Variants in NBEAL2 observed in about 807,000 individuals in gnomAD.
NBEAL2 encodes the protein neurobeachin-like protein 2.
A neutral mutation model predicts 299.8 loss-of-function variants in NBEAL2; 160 were observed. That is an observed-to-expected ratio of 0.53 (90% confidence interval 0.47 to 0.61). The LOEUF is 0.61. NBEAL2 is among the 20% of genes least tolerant of loss of function. NBEAL2 has a pLI of 0.00. For missense variants in NBEAL2, 3,112 were observed against 3,649.0 expected (o/e 0.85, Z 3.79); for synonymous variants, 1,493 against 1,542.3 (o/e 0.97, Z 0.75).
Position 47,008,056 on chromosome 3 carries a change from C to G in NBEAL2, c.7603-14C>G, listed in dbSNP as rs750658888. 6.2e-7 allele frequency: 1 copy of G among 1,613,508 alleles called. No homozygotes were observed. Among genetic ancestry groups the G allele is most frequent in the Non-Finnish European group, 8.5e-7 (1 of 1,179,570 alleles). On this transcript the variant is annotated splice_polypyrimidine_tract_variant and intron_variant, in intron 49 of 53. Coordinates refer to ENST00000450053, the MANE Select transcript of NBEAL2 (RefSeq NM_015175.3). ...CTCAGGGGACAGTCCTAAGCCAACCCTGGTCCTCCACAGGGTGGTCTGTCA... is the reference window on the plus strand; with the variant it reads ...CTCAGGGGACAGTCCTAAGCCAACCGTGGTCCTCCACAGGGTGGTCTGTCA...
At position 47,007,355 on chromosome 3, in the gene NBEAL2, G is replaced by A; in HGVS notation, c.7334+5G>A. The A allele has an allele frequency of 1.2e-6, 2 of 1,600,018 alleles. No individual in the cohort carries two copies. Among genetic ancestry groups the A allele is most frequent in the Non-Finnish European group, 1.7e-6 (2 of 1,173,192 alleles). ...CCCCACCATGGGCAGCCACAAGTAGGACAGAGGGCTGTGGGTGGGGTGGGC... is the reference window on the plus strand; with the variant it reads ...CCCCACCATGGGCAGCCACAAGTAGAACAGAGGGCTGTGGGTGGGGTGGGC... On this transcript the variant is annotated splice_donor_5th_base_variant and intron_variant, in intron 47 of 53. Transcript: ENST00000450053.
rs764094921 is a variant in NBEAL2, at chr3:47,001,853, G to C, written c.4782+27G>C. On this transcript the variant is annotated intron_variant, in intron 30 of 53. Transcript: ENST00000450053. This position sits in a 1 kb window ranked among gnomAD's most constrained non-coding sequence, Gnocchi z 6.1. Reference sequence around the variant, plus strand: ...TGAGCACAGGGTGAGCATGGGGGCAGGGGGCGTGTGAGATGTCGGGAGCTC... The same window carrying C: ...TGAGCACAGGGTGAGCATGGGGGCACGGGGCGTGTGAGATGTCGGGAGCTC... 1.2e-6 allele frequency: 2 copies of C among 1,611,204 alleles called. No individual in the cohort carries two copies. Among genetic ancestry groups the C allele is most frequent in the Non-Finnish European group, 1.7e-6 (2 of 1,177,936 alleles).
rs1206870666 is a variant in NBEAL2, at chr3:47,000,047, C to G, written c.3948C>G (p.Ala1316=). 6.2e-7 allele frequency: 1 copy of G among 1,613,360 alleles called. No homozygotes were observed. The highest frequency in any genetic ancestry group is 2.2e-5 in the East Asian group (1 of 44,892). Reference sequence around the variant, plus strand: ...AGTCACCTACCTCCCCCAAGCCAGCCCCACCCAAGCCACCCACTGAGTCAC... The same window carrying G: ...AGTCACCTACCTCCCCCAAGCCAGCGCCACCCAAGCCACCCACTGAGTCAC... ...SPESPTSPKP[A]PPKPPTESPA... is the part of the protein sequence containing the mutation. Residue 1316 remains alanine (A), a synonymous_variant, in exon 27 of 54, where the codon GCC becomes GCG. Coordinates refer to ENST00000450053, the MANE Select transcript of NBEAL2 (RefSeq NM_015175.3). The surrounding 1 kb of genome is among the most constrained non-coding windows in gnomAD (Gnocchi z 4.5).
chr3:46,980,386 T>C (rs1575574558), intron 1 of NBEAL2, among the ~76,000 whole-genome samples: 1 of 151,836 alleles, frequency 6.6e-6, no homozygotes, highest in African/African-American at 2.4e-5. Context: ...TGGGCCAAGG[T>C]AGGGAGGTGT....
In NBEAL2 at chr3:47,004,964, G is replaced by C. The variant is rs2037315139; in HGVS notation, c.6295-8G>C. ...CCTCATGCAGCCCCTGCTCGGGTGG[G>C]TGGCCAGTTCCCCTGGGTCCTGCAG... is the stretch of plus-strand genomic sequence containing the variant. On this transcript the variant is annotated splice_polypyrimidine_tract_variant and splice_region_variant and intron_variant, in intron 38 of 53. Coordinates refer to ENST00000450053, the MANE Select transcript of NBEAL2 (RefSeq NM_015175.3). The surrounding 1 kb of genome is among the most constrained non-coding windows in gnomAD (Gnocchi z 5.0). 3.1e-6 allele frequency: 5 copies of C among 1,602,894 alleles called. No homozygotes were observed. Among genetic ancestry groups the C allele is most frequent in the Non-Finnish European group, 4.3e-6 (5 of 1,175,132 alleles).
Position 46,999,947 on chromosome 3 carries a change from G to T in NBEAL2, c.3848G>T (p.Gly1283Val), listed in dbSNP as rs762062995. 2 of 1,611,512 alleles carry T rather than the reference G, an allele frequency of 1.2e-6. No homozygotes were observed. The highest frequency in any genetic ancestry group is 2.2e-5 in the East Asian group (1 of 44,868). ...DVVRLLARQAGWQDVLTRLYV... is the reference protein window; with the variant it reads ...DVVRLLARQAVWQDVLTRLYV... ...GTGCGGCTTCTGGCCCGACAGGCTG[G>T]CTGGCAAGATGTGCTGACCCGGCTA... Residue 1283 changes from glycine (G) to valine (V), a missense_variant, in exon 27 of 54, where the codon GGC (glycine) becomes GTC (valine). Transcript: ENST00000450053.
chr3:47,005,795 C>T lies in NBEAL2; in HGVS notation c.6749C>T (p.Pro2250Leu), dbSNP rs1446002952. ...GAGAAGGTAGGCGATGTGGTGCTAC[C>T]CCCGTGGGCCAGCTCTCCTGAGGAC... ...TNEKVGDVVL[P>L]PWASSPEDFI... Residue 2250 changes from proline (P) to leucine (L), a missense_variant, in exon 42 of 54, where the codon CCC (proline) becomes CTC (leucine). Transcript: ENST00000450053. The T allele has an allele frequency of 1.2e-6, 2 of 1,613,208 alleles. No homozygotes were observed. The highest frequency in any genetic ancestry group is 1.7e-6 in the Non-Finnish European group (2 of 1,179,872).
At position 47,001,923 on chromosome 3, in the gene NBEAL2, C is replaced by T. The variant is rs566652416; in HGVS notation, c.4786C>T (p.His1596Tyr). The change falls in exon 31 of 54, where the codon CAT becomes TAT. Residue 1596 changes from histidine (H) to tyrosine (Y), a missense_variant. His to Tyr is a moderately conservative substitution (Grantham distance 83, BLOSUM62 2). Coordinates refer to ENST00000450053, the MANE Select transcript of NBEAL2 (RefSeq NM_015175.3). This position sits in a 1 kb window ranked among gnomAD's most constrained non-coding sequence, Gnocchi z 6.1. ...GYILLEDPQLHAQAYVRLHML... is the reference protein window; with the variant it reads ...GYILLEDPQLYAQAYVRLHML... Reference sequence around the variant, plus strand: ...CTCATCTCTCTTGCGCCCACAGCTGCATGCCCAGGCCTACGTGAGATTGCA... The same window carrying T: ...CTCATCTCTCTTGCGCCCACAGCTGTATGCCCAGGCCTACGTGAGATTGCA... The T allele has an allele frequency of 1.7e-5, 27 of 1,603,700 alleles. No individual in the cohort carries two copies. The highest frequency in any genetic ancestry group is 3.3e-4 in the Middle Eastern group (2 of 6,056).
Position 47,009,266 on chromosome 3 carries a change from C to A in NBEAL2, c.8211C>A (p.Arg2737=). The change falls in exon 54 of 54, where the codon CGC becomes CGA. Residue 2737 remains arginine, a synonymous_variant. Transcript: ENST00000450053. ...FARKLWRSSR[R]ISQVSSGETE... is the part of the protein sequence containing the mutation. ...GGAAGCTGTGGCGGTCCTCGCGGCG[C>A]ATCTCCCAGGTGTCCTCGGGAGAGA... 6.2e-7 allele frequency: 1 copy of A among 1,602,664 alleles called. No individual in the cohort carries two copies. Among genetic ancestry groups the A allele is most frequent in the Non-Finnish European group, 8.5e-7 (1 of 1,175,920 alleles).
At position 47,008,292 on chromosome 3, in the gene NBEAL2, G is replaced by C; in HGVS notation, c.7729G>C (p.Val2577Leu). ...MAVSGSEDGTVIIHTVRRGQF... is the reference protein window; with the variant it reads ...MAVSGSEDGTLIIHTVRRGQF... ...AGTTGCCTTCCTGCAGGATGGAACT[G>C]TGATCATACACACTGTACGCCGCGG... The change falls in exon 51 of 54, where the codon GTG (valine) becomes CTG (leucine). Residue 2577 changes from valine to leucine, a missense_variant. Around this residue, in one of 3 missense-constraint regions of NBEAL2, gnomAD observed 348 missense variants for 381.4 expected, o/e 0.91. Coordinates refer to ENST00000450053, the MANE Select transcript of NBEAL2 (RefSeq NM_015175.3). The C allele has an allele frequency of 1.2e-6, 2 of 1,613,160 alleles. No homozygotes were observed. The highest frequency in any genetic ancestry group is 1.1e-5 in the South Asian group (1 of 90,906).
rs746748354 is a variant in NBEAL2, at chr3:47,001,200, G to C, written c.4484+21G>C. ...CGCAGGTGAGAGGGAAAGTCTGGAG[G>C]GGGAGGGGCTTCAGGAAGCCTCGGG... On this transcript the variant is annotated intron_variant, in intron 28 of 53. Coordinates refer to ENST00000450053, the MANE Select transcript of NBEAL2 (RefSeq NM_015175.3). This position sits in a 1 kb window ranked among gnomAD's most constrained non-coding sequence, Gnocchi z 6.1. The C allele has an allele frequency of 2.5e-6, 4 of 1,604,406 alleles. No homozygotes were observed. In the African/African-American group the frequency reaches 4.0e-5, roughly 16 times the overall value.
At position 47,000,501 on chromosome 3, in the gene NBEAL2, T is replaced by C. The variant is rs1052398623; in HGVS notation, c.4305+97T>C. 8 of 1,465,318 alleles carry C rather than the reference T, an allele frequency of 5.5e-6. No homozygotes were observed. Among genetic ancestry groups the C allele is most frequent in the Non-Finnish European group, 7.3e-6 (8 of 1,091,830 alleles). The allele number at this position is 1,465,318 out of a possible 1,614,324, so 90.8% of individuals were successfully genotyped here. ...TGTAGCCTCTCCAAAGGTGTGGCCC[T>C]GTCTGACCAGGGTTGCAGCCACTGG... On this transcript the variant is annotated intron_variant, in intron 27 of 53. Transcript: ENST00000450053. This position sits in a 1 kb window ranked among gnomAD's most constrained non-coding sequence, Gnocchi z 4.5.
At chr3:46,985,755 G>A (rs1036090932) in intron 1 of NBEAL2, among the ~76,000 whole-genome samples, 1 of 152,220 alleles carries the variant, frequency 6.6e-6, no homozygotes, top group African/African-American at 2.4e-5. Context: ...TTCAGTGGGG[G>A]ACAGGGTTGG....
At position 47,002,365 on chromosome 3, in the gene NBEAL2, C is replaced by T. The variant is rs373336309; in HGVS notation, c.5152-6C>T. On this transcript the variant is annotated splice_region_variant and splice_polypyrimidine_tract_variant and intron_variant, in intron 31 of 53. Coordinates refer to ENST00000450053, the MANE Select transcript of NBEAL2 (RefSeq NM_015175.3). ...GAGCACTGTTCTCCTCTGCCCAATC[C>T]TCCAGGTACAGCCAACCATGTCCCA... 5.0e-6 allele frequency: 8 copies of T among 1,613,346 alleles called. No homozygotes were observed. Among genetic ancestry groups the T allele is most frequent in the Non-Finnish European group, 6.8e-6 (8 of 1,179,796 alleles).
chr3:46,980,198 A>T (rs1398210269), intron 1 of NBEAL2, among the ~76,000 whole-genome samples: 2 of 152,108 alleles, frequency 1.3e-5, no homozygotes, highest in Admixed American at 1.3e-4. Flanking sequence ...GCTAGAGGAG[A>T]GTGGCCTGGG....
chr3:47,000,032 C>T lies in NBEAL2; in HGVS notation c.3933C>T (p.Thr1311=), dbSNP rs546374245. The T allele has an allele frequency of 6.2e-7, 1 of 1,613,114 alleles. No homozygotes were observed. Among genetic ancestry groups the T allele is most frequent in the Admixed American group, 1.7e-5 (1 of 60,014 alleles). ...CTCCGTCTTCCCCAGAGTCACCTAC[C>T]TCCCCCAAGCCAGCCCCACCCAAGC... The part of the protein sequence containing the change: ...SPPPSSPESP[T]SPKPAPPKPP... Residue 1311 remains threonine (T), a synonymous_variant, in exon 27 of 54, where the codon ACC becomes ACT. Coordinates refer to ENST00000450053, the MANE Select transcript of NBEAL2 (RefSeq NM_015175.3). This position sits in a 1 kb window ranked among gnomAD's most constrained non-coding sequence, Gnocchi z 4.5.
rs2037044827 is a variant in NBEAL2, at chr3:47,002,033, G to A, written c.4896G>A (p.Val1632=). The A allele has an allele frequency of 4.5e-6, 7 of 1,566,912 alleles. No individual in the cohort carries two copies. Among genetic ancestry groups the A allele is most frequent in the Non-Finnish European group, 6.1e-6 (7 of 1,156,444 alleles). ...LSKLEAALGR[V]LNTSSLESAT... The stretch of plus-strand genomic sequence containing the variant: ...AGCTGGAGGCTGCACTGGGGCGGGT[G>A]CTGAACACCTCTTCCTTGGAGTCAG... The change falls in exon 31 of 54, where the codon GTG becomes GTA. Residue 1632 remains valine (V), a synonymous_variant. Transcript: ENST00000450053.
At chr3:46,986,966 G>C (rs1262521146) in intron 1 of NBEAL2, among the ~76,000 whole-genome samples, 1 of 152,126 alleles carries the variant, frequency 6.6e-6, no homozygotes, top group Non-Finnish European at 1.5e-5. Context: ...AGCAGGAGAG[G>C]GTGGAGAGGT....
In NBEAL2 at chr3:47,009,291, A is replaced by G; in HGVS notation, c.8236A>G (p.Thr2746Ala). ...RRISQVSSGETEYNPTEAR is the reference protein window; with the variant it reads ...RRISQVSSGEAEYNPTEAR The stretch of plus-strand genomic sequence containing the variant: ...CATCTCCCAGGTGTCCTCGGGAGAG[A>G]CGGAATACAACCCTACTGAGGCGCG... Residue 2746 changes from threonine to alanine, a missense_variant, in exon 54 of 54, where the codon ACG (threonine) becomes GCG (alanine). Thr to Ala is a moderately conservative substitution (Grantham distance 58). Transcript: ENST00000450053. The G allele has an allele frequency of 6.2e-7, 1 of 1,601,168 alleles. No homozygotes were observed. Among genetic ancestry groups the G allele is most frequent in the South Asian group, 1.1e-5 (1 of 88,584 alleles).
Sources: allele counts gnomAD v4.1 joint callset (sites outside exome capture counted in the v4.1 genomes callset), GRCh38; gene constraint gnomAD v4.1.1; regional missense constraint gnomAD v4.1.1; non-coding constraint Gnocchi (gnomAD v3.1); transcripts MANE v1.5; gene names NCBI Gene and HGNC (gene_info 2026-07-23, HGNC 2026-07-21).